BPIFA2: variants seen among roughly 807,000 people sequenced by gnomAD.
The protein encoded by BPIFA2 is BPI fold-containing family A member 2.
A neutral mutation model predicts 25.7 loss-of-function variants in BPIFA2; 20 were observed. The ratio of observed to expected loss-of-function variants is 0.78; its 90% CI spans 0.55 to 1.13. BPIFA2 has a LOEUF of 1.13. BPIFA2 is among the 50% of genes most tolerant of loss of function. The probability of loss-of-function intolerance (pLI) is 0.00; values close to 1 mark genes in which losing one functional copy is unlikely to be tolerated. For synonymous variants in BPIFA2, 126 were observed against 124.3 expected (o/e 1.01, Z -0.09); for missense variants, 300 against 298.1 (o/e 1.01, Z -0.05).
At position 33,173,095 on chromosome 20, in the gene BPIFA2, G is replaced by A. The variant is rs376258893; in HGVS notation, c.302+19G>A. 8 of 1,611,308 alleles carry A rather than the reference G, an allele frequency of 5.0e-6. No individual in the cohort carries two copies. Among genetic ancestry groups the A allele is most frequent in the African/African-American group, 1.3e-5 (1 of 74,868 alleles). ...TTTTTGGGTGAGTTGGTCCTTCAGG[G>A]TGGAGATCTTTGCTCTAAGGAAAGG... is the stretch of plus-strand genomic sequence containing the variant. On this transcript the variant is annotated intron_variant, in intron 3 of 8. Transcript: ENST00000354932.
intron 7 of BPIFA2, among the ~76,000 whole-genome samples, chr20:33,179,957 C>T (rs1049140098): frequency 1.3e-5 from 2 of 152,180 alleles, no homozygotes; most frequent in African/African-American, 4.8e-5. Context: ...GTGGCTCACA[C>T]TTGTAATCCT....
intron 5 of BPIFA2, 55 bp from the exon 6 acceptor site, chr20:33,178,092 T>C: frequency 1.4e-6 from 2 of 1,411,590 alleles, no homozygotes; most frequent in Admixed American, 3.7e-5. Context: ...TTTTTGGCAG[T>C]TCTCCCATCT....
intron 2 of BPIFA2, among the ~76,000 whole-genome samples, chr20:33,172,550 AG>A (rs1408673767): frequency 1.3e-5 from 2 of 151,922 alleles, no homozygotes; most frequent in Non-Finnish European, 2.9e-5. Flanking sequence ...CATTCTTTCT[AG>A]TTTTTCAAAC....
chr20:33,164,373 C>T (rs557587554), upstream of BPIFA2, among the ~76,000 whole-genome samples: 4 of 152,240 alleles, frequency 2.6e-5, no homozygotes, highest in African/African-American at 9.6e-5. Flanking sequence ...GGCCCACCCA[C>T]CTGGGGAAGA....
chr20:33,178,295 C>T (rs1038096240), intron 6 of BPIFA2, 67 bp downstream of exon 6: 115 of 1,254,788 alleles, frequency 9.2e-5, no homozygotes, highest in Non-Finnish European at 1.3e-4. Flanking sequence ...ATTTGCAGGC[C>T]TGGCTGTATC....
upstream of BPIFA2, among the ~76,000 whole-genome samples, chr20:33,165,896 C>G (rs899447060): frequency 1.3e-5 from 2 of 152,092 alleles, no homozygotes; most frequent in African/African-American, 4.8e-5. Context: ...CGGAATGACT[C>G]AGACCAGCCA....
intron 6 of BPIFA2, among the ~76,000 whole-genome samples, 179 bp from the exon 7 acceptor site, chr20:33,179,425 G>A (rs1196338172): frequency 7.1e-6 from 1 of 140,016 alleles, no homozygotes; most frequent in African/African-American, 3.0e-5. Context: ...GTGAGATTCT[G>A]TCTCAGAAAA....
chr20:33,164,565 CTT>C (rs1486412314), upstream of BPIFA2, among the ~76,000 whole-genome samples: 2 of 149,916 alleles, frequency 1.3e-5, no homozygotes, highest in African/African-American at 2.5e-5. Context: ...CTCTCTCTTT[CTT>C]TCTTTCTTTC....
At chr20:33,178,918 C>T (rs1042500139) in intron 6 of BPIFA2, among the ~76,000 whole-genome samples, 19 of 152,188 alleles carry the variant, frequency 1.2e-4, no homozygotes, top group African/African-American at 3.9e-4. Context: ...TGTGTACACA[C>T]AGGAGCAAGA....
chr20:33,177,348 T>C (rs1029381790), intron 5 of BPIFA2, among the ~76,000 whole-genome samples: 17 of 141,588 alleles, frequency 1.2e-4, no homozygotes, highest in African/African-American at 5.3e-4. Flanking sequence ...GAGCAAGACA[T>C]TGTCTCAAAA....
In BPIFA2 at chr20:33,181,323, G is replaced by A. The variant is rs1984275260; in HGVS notation, c.*137G>A. 1 of 152,520 alleles carries A rather than the reference G, an allele frequency of 6.6e-6. No homozygotes were observed. The highest frequency in any genetic ancestry group is 1.5e-5 in the Non-Finnish European group (1 of 68,310). 9.4% of individuals were successfully genotyped at this position (152,520 alleles called of 1,614,324 possible). A position where few individuals can be genotyped will look rare whatever the true frequency, so the allele number is the denominator to read the frequency against. ...GTGAAAGCCTGAGTCCCACCAGAAG[G>A]ACCTTCCCAGATACCCCTTCTCCTC... On this transcript the variant is annotated 3_prime_UTR_variant, in exon 9 of 9. Transcript: ENST00000354932.
chr20:33,168,618 C>A (rs1022304119), intron 1 of BPIFA2, among the ~76,000 whole-genome samples: 3 of 152,140 alleles, frequency 2.0e-5, no homozygotes, highest in African/African-American at 4.8e-5. Context: ...TTTTTACTGG[C>A]GCCTGAGGAT....
Position 33,179,059 on chromosome 20 carries a change from T to C in BPIFA2, c.646-545T>C, listed in dbSNP as rs139984209. On this transcript the variant is annotated intron_variant, in intron 6 of 8. Transcript: ENST00000354932. Reference sequence around the variant, plus strand: ...GTAGATTTTTGAGGTCCTAGAATTCTAGTGTTCTAAGGTGTTAGGATTCTA... The same window carrying C: ...GTAGATTTTTGAGGTCCTAGAATTCCAGTGTTCTAAGGTGTTAGGATTCTA... Among the ~76,000 whole-genome samples, 165 of 152,286 alleles carry C rather than the reference T, an allele frequency of 1.1e-3. 1 individual carries two copies. Among genetic ancestry groups the C allele is most frequent in the African/African-American group, 3.7e-3 (155 of 41,564 alleles).
upstream of BPIFA2, among the ~76,000 whole-genome samples, chr20:33,167,055 C>T (rs907062657): frequency 5.3e-5 from 8 of 152,230 alleles, no homozygotes; most frequent in Non-Finnish European, 1.0e-4. Flanking sequence ...CATCACCTTC[C>T]TGCAGCCGCC....
intron 6 of BPIFA2, among the ~76,000 whole-genome samples, chr20:33,178,501 A>G (rs1411331891): frequency 6.6e-6 from 1 of 152,218 alleles, no homozygotes; most frequent in Admixed American, 6.5e-5. Context: ...CATCTTCAAC[A>G]CAATTTTACT....
intron 3 of BPIFA2, 30 bp downstream of exon 3, chr20:33,173,106 T>C (rs1983958093): frequency 6.2e-7 from 1 of 1,605,072 alleles, no homozygotes; most frequent in South Asian, 1.1e-5. Context: ...TGGAGATCTT[T>C]GCTCTAAGGA....
intron 2 of BPIFA2, among the ~76,000 whole-genome samples, chr20:33,172,412 A>T (rs60916909): frequency 0.014 from 1,978 of 143,106 alleles, 45 homozygotes; most frequent in African/African-American, 0.055. Context: ...AAAAAAAAAA[A>T]ATTATTATTA....
At chr20:33,176,001 G>A (rs1329336000) in intron 5 of BPIFA2, among the ~76,000 whole-genome samples, 1 of 151,930 alleles carries the variant, frequency 6.6e-6, no homozygotes, top group African/African-American at 2.4e-5. Context: ...ATGCACATTA[G>A]GATTGTTATG....
chr20:33,169,669 C>T (rs1983836539), intron 2 of BPIFA2, among the ~76,000 whole-genome samples: 1 of 152,210 alleles, frequency 6.6e-6, no homozygotes, highest in South Asian at 2.1e-4. Context: ...AAATATTCTG[C>T]CTGTCTCACA....
Sources: gnomAD v4.1 joint callset for allele counts (sites outside exome capture counted in the v4.1 genomes callset) on GRCh38, gnomAD v4.1.1 for gene constraint, MANE v1.5 for transcripts, NCBI Gene and HGNC (gene_info 2026-07-23, HGNC 2026-07-21) for gene names.